ATP6V0E1: variants seen among roughly 807,000 people sequenced by gnomAD.
ATP6V0E1 encodes the protein V-type proton ATPase subunit e 1.
Under a neutral mutation model 11.6 loss-of-function variants are expected in ATP6V0E1, and 4 were observed. That is an observed-to-expected ratio of 0.35 (90% CI 0.17 to 0.79). ATP6V0E1 has a LOEUF of 0.79. ATP6V0E1 is among the 30% of genes least tolerant of loss of function. ATP6V0E1 has a pLI of 0.54. For synonymous variants in ATP6V0E1, 36 were observed against 34.8 expected (o/e 1.04, Z -0.13); for missense variants, 105 against 100.0 (o/e 1.05, Z -0.21).
intron 2 of ATP6V0E1, among the ~76,000 whole-genome samples, chr5:173,009,949 A>G (rs1756294177): frequency 6.6e-6 from 1 of 150,946 alleles, no homozygotes; most frequent in Non-Finnish European, 1.5e-5. Flanking sequence ...TTTTTAGTAG[A>G]GACGGGGTTT....
intron 2 of ATP6V0E1, among the ~76,000 whole-genome samples, chr5:173,013,358 G>A (rs1756358922): frequency 6.6e-6 from 1 of 151,786 alleles, no homozygotes. Flanking sequence ...GGTGAATCAC[G>A]AGGTCAGGAG....
intron 3 of ATP6V0E1, among the ~76,000 whole-genome samples, chr5:173,029,983 T>C (rs1422259337): frequency 1.3e-5 from 2 of 152,164 alleles, no homozygotes; most frequent in Non-Finnish European, 1.5e-5. Context: ...CCCTATTACA[T>C]TCATTAATTT....
intron 2 of ATP6V0E1, among the ~76,000 whole-genome samples, chr5:173,000,212 G>C (rs1463638242): frequency 2.6e-5 from 4 of 152,124 alleles, no homozygotes. Flanking sequence ...CAACTTGTTT[G>C]AGCTCTGTAT....
chr5:173,020,109 A>C (rs1756456994), intron 2 of ATP6V0E1, 129 bp from the exon 3 acceptor site: 1 of 690,342 alleles, frequency 1.4e-6, no homozygotes, highest in African/African-American at 1.8e-5. Flanking sequence ...AACACAATGT[A>C]TATGGAAAGT....
intron 3 of ATP6V0E1, among the ~76,000 whole-genome samples, chr5:173,021,486 G>A (rs1040224062): frequency 1.3e-5 from 2 of 152,098 alleles, no homozygotes; most frequent in Non-Finnish European, 2.9e-5. Context: ...ACTACCATGA[G>A]AACAGTATGG....
chr5:173,007,890 C>A (rs144401688), intron 2 of ATP6V0E1, among the ~76,000 whole-genome samples: 14 of 152,262 alleles, frequency 9.2e-5, no homozygotes, highest in Non-Finnish European at 1.8e-4. Context: ...TAGTGGGAGT[C>A]CCTGTCCCCA....
chr5:173,021,451 C>G (rs1301167524), intron 3 of ATP6V0E1, among the ~76,000 whole-genome samples: 1 of 152,124 alleles, frequency 6.6e-6, no homozygotes, highest in East Asian at 1.9e-4. Flanking sequence ...CCTTATAAAA[C>G]CATCAGATCT....
intron 3 of ATP6V0E1, among the ~76,000 whole-genome samples, chr5:173,031,022 G>A (rs1421248006): frequency 1.3e-5 from 2 of 151,806 alleles, no homozygotes; most frequent in African/African-American, 4.8e-5. Flanking sequence ...TCCGCTCACC[G>A]CAATCTCTGC....
intron 1 of ATP6V0E1, among the ~76,000 whole-genome samples, chr5:172,993,228 T>C (rs1756011722): frequency 1.3e-5 from 2 of 152,074 alleles, no homozygotes; most frequent in African/African-American, 4.8e-5. Flanking sequence ...CCAAAGAAAA[T>C]ACACACACAG....
intron 3 of ATP6V0E1, among the ~76,000 whole-genome samples, chr5:173,027,716 A>G (rs1756585618): frequency 6.6e-6 from 1 of 152,006 alleles, no homozygotes; most frequent in South Asian, 2.1e-4. Context: ...GGCTTCTCGA[A>G]GTGCTGGGAT....
intron 2 of ATP6V0E1, among the ~76,000 whole-genome samples, chr5:173,009,666 T>C (rs965030632): frequency 5.9e-5 from 9 of 151,534 alleles, no homozygotes; most frequent in Non-Finnish European, 1.2e-4. Flanking sequence ...TTTTTCCATG[T>C]TGGCCAAGCT....
At chr5:173,001,576 G>A (rs1358811756) in intron 2 of ATP6V0E1, among the ~76,000 whole-genome samples, 1 of 152,090 alleles carries the variant, frequency 6.6e-6, no homozygotes, top group Non-Finnish European at 1.5e-5. Context: ...CAGGGGCCTG[G>A]GTGCACCGCT....
chr5:173,021,612 A>G (rs898875294), intron 3 of ATP6V0E1, among the ~76,000 whole-genome samples: 3 of 152,142 alleles, frequency 2.0e-5, no homozygotes, highest in African/African-American at 7.2e-5. Flanking sequence ...AAACCATATC[A>G]GGAGGGTACC....
chr5:172,984,330 T>C (rs1755849188), intron 1 of ATP6V0E1, among the ~76,000 whole-genome samples: 1 of 152,332 alleles, frequency 6.6e-6, no homozygotes, highest in South Asian at 2.1e-4. Flanking sequence ...TCCACCCACA[T>C]GAGGCCTCGT....
At chr5:173,016,762 C>T (rs1478115133) in intron 2 of ATP6V0E1, among the ~76,000 whole-genome samples, 1 of 152,180 alleles carries the variant, frequency 6.6e-6, no homozygotes. Context: ...CAGAGCTTTT[C>T]AGTGTGTCCG....
At chr5:173,007,858 G>A (rs938115590) in intron 2 of ATP6V0E1, among the ~76,000 whole-genome samples, 2 of 152,194 alleles carry the variant, frequency 1.3e-5, no homozygotes, top group African/African-American at 2.4e-5. Flanking sequence ...GGCAGGGGGC[G>A]AGGTCATCGG....
chr5:173,033,465 A>G (rs1322912800), intron 3 of ATP6V0E1, among the ~76,000 whole-genome samples: 2 of 152,214 alleles, frequency 1.3e-5, no homozygotes, highest in African/African-American at 4.8e-5. Context: ...GAAAGATATT[A>G]TGAGGCTTTC....
intron 2 of ATP6V0E1, among the ~76,000 whole-genome samples, chr5:173,016,199 T>C (rs1756397554): frequency 6.6e-6 from 1 of 152,212 alleles, no homozygotes; most frequent in Admixed American, 6.5e-5. Flanking sequence ...AGGGGCGGTC[T>C]TGTGGAACCA....
chr5:173,025,325 A>C (rs1756541724), intron 3 of ATP6V0E1, among the ~76,000 whole-genome samples: 2 of 150,114 alleles, frequency 1.3e-5, no homozygotes, highest in Non-Finnish European at 3.0e-5. Flanking sequence ...TTGTGTTTTT[A>C]GTAGAGATAG....
Sources: allele counts gnomAD v4.1 joint callset (sites outside exome capture counted in the v4.1 genomes callset), GRCh38; gene constraint gnomAD v4.1.1; transcripts MANE v1.5; gene names NCBI Gene and HGNC (gene_info 2026-07-23, HGNC 2026-07-21).